SANBR: variants seen among roughly 807,000 people sequenced by gnomAD.
SANBR encodes SANT and BTB domain regulator of CSR.
SANBR carries 77 observed loss-of-function variants against 101.8 expected under a neutral mutation model. That is an observed-to-expected ratio of 0.76 (90% CI 0.63 to 0.91). SANBR has a LOEUF of 0.91. Ranked by LOEUF, SANBR falls within the 40% of genes least tolerant of loss-of-function variation. The pLI, the probability that SANBR is intolerant of heterozygous loss-of-function variation, is 0.00. For synonymous variants in SANBR, 279 were observed against 274.7 expected, an observed-to-expected ratio of 1.02 and a Z score of -0.15; for missense variants, 875 against 853.0, an observed-to-expected ratio of 1.03 and a Z score of -0.32.
chr2:61,135,061 G>A (rs531479148), intron 21 of SANBR, among the ~76,000 whole-genome samples: 124 of 151,968 alleles, frequency 8.2e-4, no homozygotes, highest in Non-Finnish European at 8.2e-4. Flanking sequence ...GTGGTGGCAC[G>A]CGCCTGTAAT....
chr2:61,070,286 C>T, intron 2 of SANBR, 56 bp from the exon 3 acceptor site: 2 of 1,303,420 alleles, frequency 1.5e-6, no homozygotes, highest in Non-Finnish European at 2.1e-6. Flanking sequence ...CTGTAATGTT[C>T]TGAAAACATT....
chr2:61,068,345 C>T (rs1039972757), intron 1 of SANBR, among the ~76,000 whole-genome samples: 1 of 152,182 alleles, frequency 6.6e-6, no homozygotes, highest in Non-Finnish European at 1.5e-5. Context: ...ATGTTTCCAA[C>T]TGGGCACAAG....
Position 61,121,137 on chromosome 2 carries a change from C to A in SANBR, c.2029-48C>A, listed in dbSNP as rs1370502470. On this transcript the variant is annotated intron_variant, in intron 20 of 21. Transcript: ENST00000402291. ...GTAATCCCATTTTAATAAAGCAGAG[C>A]TTCTATTGATTCTGTGAAGATAACA... is the stretch of plus-strand genomic sequence containing the variant. 4.0e-6 allele frequency: 5 copies of A among 1,263,680 alleles called. No individual in the cohort carries two copies. In the East Asian group the frequency reaches 1.0e-4, roughly 26 times the overall value. 78.3% of individuals were successfully genotyped at this position (1,263,680 alleles called of 1,614,324 possible). A position where few individuals can be genotyped will look rare whatever the true frequency, so the allele number is the denominator to read the frequency against.
At chr2:61,086,732 C>T (rs1682452203) in intron 8 of SANBR, among the ~76,000 whole-genome samples, 2 of 151,948 alleles carry the variant, frequency 1.3e-5, no homozygotes, top group Non-Finnish European at 2.9e-5. Context: ...TAGGTAGGCT[C>T]AAGAGAGGAT....
intron 16 of SANBR, among the ~76,000 whole-genome samples, chr2:61,112,304 A>G (rs960193872): frequency 1.3e-5 from 2 of 152,090 alleles, no homozygotes; most frequent in Non-Finnish European, 2.9e-5. Context: ...GCAACTTTTC[A>G]TGTTTTTACT....
chr2:61,129,080 A>G (rs1684603340), downstream of SANBR, among the ~76,000 whole-genome samples: 1 of 152,192 alleles, frequency 6.6e-6, no homozygotes, highest in South Asian at 2.1e-4. Context: ...AAATGAAGAG[A>G]TTCCCAGATA....
At chr2:61,100,649 A>G (rs1036483921) in intron 12 of SANBR, among the ~76,000 whole-genome samples, 1 of 152,174 alleles carries the variant, frequency 6.6e-6, no homozygotes, top group African/African-American at 2.4e-5. Context: ...TTCCAATCCA[A>G]TGCTTTTTCT....
chr2:61,122,325 T>G lies in SANBR; in HGVS notation c.*163T>G. On this transcript the variant is annotated 3_prime_UTR_variant, in exon 22 of 22. Transcript: ENST00000402291. ...CTAAAAGAAATGCATAGTTAGGTTT[T>G]ATGAAAATCTAATTGTAAATATGAA... The G allele has an allele frequency of 8.0e-7, 1 of 1,243,258 alleles. No individual in the cohort carries two copies. Among genetic ancestry groups the G allele is most frequent in the Non-Finnish European group, 1.0e-6 (1 of 961,734 alleles). The allele number at this position is 1,243,258 out of a possible 1,614,324, so 77.0% of individuals were successfully genotyped here.
At chr2:61,089,239 G>A (rs553004295) in intron 10 of SANBR, 19 of 975,844 alleles carry the variant, frequency 1.9e-5, no homozygotes, top group Middle Eastern at 5.3e-4. Flanking sequence ...GGCCGGGCAC[G>A]GTGGCTCACA....
rs144135823 is a variant in SANBR at position 61,065,890 on chromosome 2, A to T, written c.-284A>T. 5 of 151,918 alleles carry T rather than the reference A, an allele frequency of 3.3e-5. No individual in the cohort carries two copies. The highest frequency in any genetic ancestry group is 7.4e-5 in the Non-Finnish European group (5 of 67,970). The allele number at this position is 151,918 out of a possible 1,614,324, so 9.4% of individuals were successfully genotyped here. ...GGCGCTAGTCTCCGCAGCCGCCTGC[A>T]AGCGGGCGGGGGCGGGGTGTGAGGC... On this transcript the variant is annotated 5_prime_UTR_variant, in exon 1 of 22. Coordinates refer to ENST00000402291, the MANE Select transcript of SANBR (RefSeq NM_001129993.3).
intron 20 of SANBR, among the ~76,000 whole-genome samples, chr2:61,131,800 T>C (rs1336232959): frequency 2.6e-5 from 4 of 152,320 alleles, no homozygotes; most frequent in African/African-American, 9.6e-5. Flanking sequence ...ACTACAAAGC[T>C]ACAATAGTCA....
At position 61,073,496 on chromosome 2, in the gene SANBR, G is replaced by T; in HGVS notation, c.376G>T (p.Glu126Ter). 6.3e-7 allele frequency: 1 copy of T among 1,589,850 alleles called. No homozygotes were observed. The highest frequency in any genetic ancestry group is 8.6e-7 in the Non-Finnish European group (1 of 1,164,776). The change falls in exon 5 of 22, where the codon GAA becomes TAA. Residue 126 changes from glutamate (E) to a stop codon, truncating the protein, a stop_gained. Transcript: ENST00000402291. LOFTEE classifies it high-confidence loss of function. ...SIASTRNCSS[E>*]SENCTTHNGG... ...AGCTTCCACAAGGAATTGTTCTTCAGAAAGTGAAAATTGTACTACTCATAA... is the reference window on the plus strand; with the variant it reads ...AGCTTCCACAAGGAATTGTTCTTCATAAAGTGAAAATTGTACTACTCATAA...
chr2:61,094,026 T>C, intron 11 of SANBR: 2 of 938,486 alleles, frequency 2.1e-6, no homozygotes, highest in Non-Finnish European at 2.5e-6. Flanking sequence ...ACTTGCGTAA[T>C]GATTTTCAAT....
At chr2:61,070,609 C>A in intron 3 of SANBR, 109 bp downstream of exon 3, 3 of 870,194 alleles carry the variant, frequency 3.4e-6, no homozygotes, top group Non-Finnish European at 5.3e-6. Context: ...TATTCAAATG[C>A]ATGTATTAAC....
rs990141444 is a variant in SANBR at position 61,122,352 on chromosome 2, C to T, written c.*190C>T. On this transcript the variant is annotated 3_prime_UTR_variant, in exon 22 of 22. Coordinates refer to ENST00000402291, the MANE Select transcript of SANBR (RefSeq NM_001129993.3). ...TGAAAATCTAATTGTAAATATGAAACTTTTTAAATCTGATTTTCTTCTAAT... is the reference window on the plus strand; with the variant it reads ...TGAAAATCTAATTGTAAATATGAAATTTTTTAAATCTGATTTTCTTCTAAT... 2.4e-6 allele frequency: 3 copies of T among 1,246,294 alleles called. No homozygotes were observed. In the African/African-American group the frequency reaches 4.6e-5, roughly 19 times the overall value. The allele number at this position is 1,246,294 out of a possible 1,614,324, so 77.2% of individuals were successfully genotyped here. A position where few individuals can be genotyped will look rare whatever the true frequency, so the allele number is the denominator to read the frequency against.
chr2:61,073,387 A>AT, intron 4 of SANBR, 71 bp from the exon 5 acceptor site: 1 of 671,142 alleles, frequency 1.5e-6, no homozygotes, highest in Non-Finnish European at 2.5e-6. Context: ...CAATAAATAA[A>AT]AACCCATTCT....
At chr2:61,108,164 T>C (rs1226088878) in intron 14 of SANBR, among the ~76,000 whole-genome samples, 153 bp from the exon 15 acceptor site, 5 of 152,188 alleles carry the variant, frequency 3.3e-5, no homozygotes, top group Admixed American at 2.6e-4. Flanking sequence ...GACTGTAACA[T>C]ATCACTTTCA....
chr2:61,108,335 T>A lies in SANBR; in HGVS notation c.1630T>A (p.Trp544Arg), dbSNP rs999547142. The A allele has an allele frequency of 9.5e-6, 15 of 1,577,240 alleles. No individual in the cohort carries two copies. Among genetic ancestry groups the A allele is most frequent in the Non-Finnish European group, 1.3e-5 (15 of 1,158,310 alleles). The change falls in exon 15 of 22, where the codon TGG becomes AGG. Residue 544 changes from tryptophan to arginine, a missense_variant. Coordinates refer to ENST00000402291, the MANE Select transcript of SANBR (RefSeq NM_001129993.3). ...ELNAFLSLKN[W>R]TLQLKQQSLF... is the part of the protein sequence containing the mutation. ...CTTGTAGTTCTTGTCATTGAAAAAC[T>A]GGACTCTACAACTGGTAAGTGAGCA...
chr2:61,123,115 T>A lies in SANBR; in HGVS notation c.*953T>A. The A allele has an allele frequency of 1.0e-6, 1 of 974,214 alleles. No individual in the cohort carries two copies. The allele number at this position is 974,214 out of a possible 1,614,324, so 60.3% of individuals were successfully genotyped here. A position where few individuals can be genotyped will look rare whatever the true frequency, so the allele number is the denominator to read the frequency against. ...AAAATTCTATTTTATAAATCATGTT[T>A]AAATTTTTCTAGCCAGGCAGAAAGA... On this transcript the variant is annotated 3_prime_UTR_variant, in exon 22 of 22. Coordinates refer to ENST00000402291, the MANE Select transcript of SANBR (RefSeq NM_001129993.3).
Sources: allele counts gnomAD v4.1 joint callset (sites outside exome capture counted in the v4.1 genomes callset), GRCh38; gene constraint gnomAD v4.1.1; transcripts MANE v1.5; gene names NCBI Gene and HGNC (gene_info 2026-07-23, HGNC 2026-07-21).